The following DNMBP variants were observed in gnomAD, a reference collection of about 807,000 sequenced individuals.
The protein encoded by DNMBP is dynamin-binding protein.
A neutral mutation model predicts 150.0 loss-of-function variants in DNMBP; 87 were observed. The ratio of observed to expected loss-of-function variants is 0.58; its 90% CI spans 0.49 to 0.69. The LOEUF is 0.69. Ranked by LOEUF, DNMBP falls within the 30% of genes least tolerant of loss-of-function variation. The pLI is 0.00. For missense variants in DNMBP, 1,774 were observed against 1,949.0 expected (o/e 0.91, Z 1.69); for synonymous variants, 711 against 750.4 (o/e 0.95, Z 0.86).
chr10:99,943,692 C>A (rs556857325), intron 4 of DNMBP, among the ~76,000 whole-genome samples: 1 of 152,200 alleles, frequency 6.6e-6, no homozygotes, highest in Non-Finnish European at 1.5e-5. Context: ...GTATGAGCCA[C>A]CATGCCCGGC....
At chr10:99,897,622 G>A (rs1221776061) in intron 9 of DNMBP, among the ~76,000 whole-genome samples, 2 of 151,956 alleles carry the variant, frequency 1.3e-5, no homozygotes, top group African/African-American at 2.4e-5. Flanking sequence ...GCTTTTTATC[G>A]TTACTTCTGC....
chr10:99,967,685 G>GTGTT (rs2040633911), intron 3 of DNMBP, among the ~76,000 whole-genome samples: 1 of 150,710 alleles, frequency 6.6e-6, no homozygotes, highest in Non-Finnish European at 1.5e-5. Flanking sequence ...GTGTGTGTGT[G>GTGTT]TGTGTGTGTG....
chr10:99,885,137 C>T (rs939865977), intron 14 of DNMBP, among the ~76,000 whole-genome samples: 1 of 152,048 alleles, frequency 6.6e-6, no homozygotes, highest in Non-Finnish European at 1.5e-5. Flanking sequence ...AAAAAATAGG[C>T]CTGGCAGAAT....
At chr10:99,979,247 C>T (rs1352979377) in intron 1 of DNMBP, among the ~76,000 whole-genome samples, 1 of 152,064 alleles carries the variant, frequency 6.6e-6, no homozygotes, top group South Asian at 2.1e-4. Context: ...CGTTTAGAGT[C>T]TCCTCTATTG....
chr10:99,951,443 G>A (rs770805331), intron 4 of DNMBP, among the ~76,000 whole-genome samples: 4 of 152,310 alleles, frequency 2.6e-5, no homozygotes, highest in East Asian at 3.9e-4. Context: ...AGCTTGCACC[G>A]TGTGCCTGGA....
intron 7 of DNMBP, 122 bp from the exon 8 acceptor site, chr10:99,898,882 T>C (rs2039698415): frequency 1.0e-6 from 1 of 989,966 alleles, no homozygotes; most frequent in East Asian, 2.5e-5. Context: ...TATGGTAACA[T>C]ATTTAGTCTA....
intron 11 of DNMBP, among the ~76,000 whole-genome samples, chr10:99,893,473 C>T (rs183949169): frequency 7.2e-5 from 11 of 152,332 alleles, no homozygotes; most frequent in African/African-American, 9.6e-5. Flanking sequence ...CGGTGGCTCA[C>T]GCCTGTAATT....
chr10:99,994,809 C>A (rs1391668318), intron 1 of DNMBP, among the ~76,000 whole-genome samples: 1 of 152,178 alleles, frequency 6.6e-6, no homozygotes, highest in Non-Finnish European at 1.5e-5. Flanking sequence ...AACTATGATT[C>A]TCATCATCTT....
intron 4 of DNMBP, among the ~76,000 whole-genome samples, chr10:99,944,991 G>A (rs1468613756): frequency 1.3e-5 from 2 of 152,064 alleles, no homozygotes; most frequent in Non-Finnish European, 2.9e-5. Context: ...AATCAGAATT[G>A]GGCCAGCCCT....
At chr10:99,945,412 C>G (rs2040345718) in intron 4 of DNMBP, among the ~76,000 whole-genome samples, 1 of 152,180 alleles carries the variant, frequency 6.6e-6, no homozygotes, top group Non-Finnish European at 1.5e-5. Flanking sequence ...AATCAGTTAG[C>G]TTTGCTCATA....
At chr10:99,910,612 G>A (rs1008188168) in intron 4 of DNMBP, among the ~76,000 whole-genome samples, 3 of 151,892 alleles carry the variant, frequency 2.0e-5, no homozygotes, top group Non-Finnish European at 4.4e-5. Context: ...TCCACTAAAA[G>A]GAGGCAGGGT....
intron 13 of DNMBP, 108 bp downstream of exon 13, chr10:99,886,192 C>G: frequency 1.1e-6 from 1 of 905,272 alleles, no homozygotes; most frequent in Non-Finnish European, 1.7e-6. Flanking sequence ...GCGACACATT[C>G]AGTTTATCTA....
chr10:99,920,194 G>A (rs999033472), intron 4 of DNMBP, among the ~76,000 whole-genome samples: 1 of 151,740 alleles, frequency 6.6e-6, no homozygotes, highest in Non-Finnish European at 1.5e-5. Flanking sequence ...TCCTGCCTCA[G>A]CCTCCCGAGT....
At chr10:99,940,599 C>A (rs1199103391) in intron 4 of DNMBP, among the ~76,000 whole-genome samples, 3 of 152,196 alleles carry the variant, frequency 2.0e-5, no homozygotes, top group Non-Finnish European at 4.4e-5. Flanking sequence ...TAATGTTTCT[C>A]ATCTTACAAA....
intron 6 of DNMBP, among the ~76,000 whole-genome samples, chr10:99,903,434 G>T (rs1407943042): frequency 6.6e-6 from 1 of 151,974 alleles, no homozygotes. Flanking sequence ...CTGAGCTCAA[G>T]CAATTCTCTG....
At chr10:99,917,271 C>T (rs913168571) in intron 4 of DNMBP, among the ~76,000 whole-genome samples, 4 of 152,084 alleles carry the variant, frequency 2.6e-5, no homozygotes, top group African/African-American at 9.7e-5. Context: ...ACAGGAGAAT[C>T]ACCTGAACCT....
At chr10:100,001,863 C>T (rs114517767) in intron 1 of DNMBP, among the ~76,000 whole-genome samples, 350 of 152,288 alleles carry the variant, frequency 2.3e-3, no homozygotes, top group African/African-American at 7.9e-3. Flanking sequence ...AAGTACTTCT[C>T]CCCTCCACAC....
chr10:99,968,984 C>T lies in DNMBP; in HGVS notation c.268+131G>A, dbSNP rs930984166. 1.3e-5 allele frequency: 13 copies of T among 978,472 alleles called. 1 individual carries two copies. Among genetic ancestry groups the T allele is most frequent in the South Asian group, 9.9e-5 (6 of 60,422 alleles). 60.6% of individuals were successfully genotyped at this position (978,472 alleles called of 1,614,324 possible). Reference sequence around the variant, plus strand: ...AAACTATAAGGCATCATTACGTCCACGCTATTTGGTATTGCCGAGGACTCT... The same window carrying T: ...AAACTATAAGGCATCATTACGTCCATGCTATTTGGTATTGCCGAGGACTCT... On this transcript the variant is annotated intron_variant, in intron 3 of 16. Transcript: ENST00000324109.
chr10:99,897,730 T>C (rs1448218126), intron 9 of DNMBP, among the ~76,000 whole-genome samples: 1 of 152,040 alleles, frequency 6.6e-6, no homozygotes, highest in Non-Finnish European at 1.5e-5. Flanking sequence ...TTGGCCAACA[T>C]GGTGAAACCC....
Sources: allele counts gnomAD v4.1 joint callset (sites outside exome capture counted in the v4.1 genomes callset), GRCh38; gene constraint gnomAD v4.1.1; transcripts MANE v1.5; gene names NCBI Gene and HGNC (gene_info 2026-07-23, HGNC 2026-07-21).